Variants in FYB1 observed in about 807,000 individuals in gnomAD.
The protein encoded by FYB1 is FYN-binding protein 1.
In FYB1, 41 loss-of-function variants were observed where a neutral mutation model predicts 94.1. The ratio of observed to expected loss-of-function variants is 0.44; its 90% CI spans 0.34 to 0.57. The LOEUF (loss-of-function observed/expected upper bound fraction) is 0.57. FYB1 is among the 20% of genes least tolerant of loss of function. The pLI is 0.02. For synonymous variants in FYB1, 367 were observed against 353.2 expected, an observed-to-expected ratio of 1.04 and a Z score of -0.44; for missense variants, 1,050 against 976.8, an observed-to-expected ratio of 1.07 and a Z score of -1.00.
chr5:39,179,037 A>G (rs1283690979), intron 2 of FYB1, among the ~76,000 whole-genome samples: 2 of 152,238 alleles, frequency 1.3e-5, no homozygotes, highest in African/African-American at 4.8e-5. Context: ...CTAGCTAACA[A>G]GAGTCCTTTT....
At chr5:39,220,947 T>C (rs138891934), upstream of FYB1, among the ~76,000 whole-genome samples, 82 of 152,346 alleles carry the variant, frequency 5.4e-4, no homozygotes, top group Admixed American at 2.5e-3. Flanking sequence ...GATGATGACA[T>C]GGCTGAGACC....
intron 2 of FYB1, chr5:39,170,195 G>A (rs1172917516): frequency 2.5e-6 from 2 of 812,870 alleles, no homozygotes; most frequent in African/African-American, 1.7e-5. Flanking sequence ...CTTCTGTGAA[G>A]TTCAGTATAG....
intron 1 of FYB1, among the ~76,000 whole-genome samples, chr5:39,211,697 G>C (rs1749408877): frequency 6.6e-6 from 1 of 152,080 alleles, no homozygotes; most frequent in Non-Finnish European, 1.5e-5. Flanking sequence ...AAAAATCTTT[G>C]ATGTCTGGGA....
At chr5:39,125,782 A>G (rs923689088) in intron 12 of FYB1, among the ~76,000 whole-genome samples, 3 of 152,150 alleles carry the variant, frequency 2.0e-5, no homozygotes, top group Admixed American at 2.0e-4. Context: ...ATATCTTTGA[A>G]CTATATGATG....
chr5:39,169,114 T>C, intron 2 of FYB1: 1 of 667,126 alleles, frequency 1.5e-6, no homozygotes, highest in Non-Finnish European at 2.7e-6. Flanking sequence ...TAAAATAATC[T>C]TGTGCACATT....
intron 1 of FYB1, among the ~76,000 whole-genome samples, chr5:39,260,634 T>A (rs1752172063): frequency 6.6e-6 from 1 of 152,176 alleles, no homozygotes; most frequent in South Asian, 2.1e-4. Context: ...GAGAAGCCAA[T>A]CAAGTAAGTC....
chr5:39,169,272 C>G (rs1745025353), intron 2 of FYB1: 1 of 1,091,026 alleles, frequency 9.2e-7, no homozygotes. Context: ...AATCATGACC[C>G]AGAGGTGAAG....
intron 16 of FYB1, among the ~76,000 whole-genome samples, chr5:39,111,823 A>C (rs1302463318): frequency 6.6e-6 from 1 of 151,976 alleles, no homozygotes; most frequent in Non-Finnish European, 1.5e-5. Context: ...TCAAGATAAT[A>C]AAAGCACAAT....
intron 1 of FYB1, among the ~76,000 whole-genome samples, chr5:39,246,235 C>T (rs1751473389): frequency 6.6e-6 from 1 of 152,068 alleles, no homozygotes; most frequent in Admixed American, 6.6e-5. Flanking sequence ...AAGAGAGACC[C>T]TAACCTCAGA....
intron 3 of FYB1, among the ~76,000 whole-genome samples, chr5:39,149,790 T>C (rs1365588511): frequency 6.6e-6 from 1 of 152,104 alleles, no homozygotes; most frequent in African/African-American, 2.4e-5. Flanking sequence ...CCGGCGTTAT[T>C]GATTGTTCCT....
At chr5:39,251,712 G>A (rs1751715529) in intron 1 of FYB1, among the ~76,000 whole-genome samples, 1 of 152,062 alleles carries the variant, frequency 6.6e-6, no homozygotes, top group South Asian at 2.1e-4. Context: ...TTATTATAAA[G>A]TTTACTTATT....
chr5:39,156,022 C>T lies in FYB1; in HGVS notation c.1136-2418G>A, dbSNP rs116598636. On this transcript the variant is annotated intron_variant, in intron 2 of 18. Coordinates refer to ENST00000512982, the MANE Select transcript of FYB1 (RefSeq NM_001465.6). The stretch of plus-strand genomic sequence containing the variant: ...CCTCTGTGAGTAGATGTTAATAAAC[C>T]GTCCAAATAGAGAGAAAAATATTTA... Among the ~76,000 whole-genome samples the T allele has an allele frequency of 2.9e-3, 442 of 152,056 alleles. 2 individuals are homozygous for T. Among genetic ancestry groups the T allele is most frequent in the African/African-American group, 0.01 (434 of 41,478 alleles).
intron 9 of FYB1, among the ~76,000 whole-genome samples, chr5:39,131,754 G>A (rs184544129): frequency 6.6e-6 from 1 of 152,242 alleles, no homozygotes; most frequent in East Asian, 1.9e-4. Context: ...GTGAAGAGCT[G>A]CATTCTGCTT....
chr5:39,247,088 AT>A (rs1297569889), intron 1 of FYB1, among the ~76,000 whole-genome samples: 7 of 137,394 alleles, frequency 5.1e-5, no homozygotes, highest in Admixed American at 1.5e-4. Context: ...ATATATATAT[AT>A]ATATATATAT....
At chr5:39,129,400 T>G (rs1740983859) in intron 10 of FYB1, among the ~76,000 whole-genome samples, 1 of 151,798 alleles carries the variant, frequency 6.6e-6, no homozygotes, top group African/African-American at 2.4e-5. Flanking sequence ...TTGGTCTAGG[T>G]AGAGATTTCA....
intron 1 of FYB1, among the ~76,000 whole-genome samples, chr5:39,246,957 C>T (rs1751501368): frequency 1.3e-5 from 2 of 151,358 alleles, no homozygotes; most frequent in Admixed American, 6.6e-5. Flanking sequence ...TTCTTTGTGC[C>T]TCAATTATGT....
chr5:39,129,926 A>G (rs1486709207), intron 10 of FYB1, among the ~76,000 whole-genome samples: 1 of 152,132 alleles, frequency 6.6e-6, no homozygotes, highest in Non-Finnish European at 1.5e-5. Context: ...TGAAGGAAAG[A>G]GAATCAGTAT....
At chr5:39,265,614 G>T (rs575908867) in intron 1 of FYB1, among the ~76,000 whole-genome samples, 3 of 152,128 alleles carry the variant, frequency 2.0e-5, no homozygotes, top group Non-Finnish European at 4.4e-5. Flanking sequence ...CCAAGATCAC[G>T]CCATTGCACT....
At position 39,266,179 on chromosome 5, in the gene FYB1, T is replaced by G. The variant is rs145543672; in HGVS notation, c.-28+8224A>C. ...AGTGAGCTGATCTAAGGATATAGAT[T>G]AAGTCAATTTCCACAGGGGCAGATA... On this transcript the variant is annotated intron_variant, in intron 1 of 1. Coordinates refer to the FYB1 transcript ENST00000510188. 5.4e-3 allele frequency among the ~76,000 whole-genome samples: 825 copies of G among 152,280 alleles called. 7 individuals carry two copies. The highest frequency in any genetic ancestry group is 0.018 in the African/African-American group (748 of 41,542).
Sources: allele counts gnomAD v4.1 joint callset (sites outside exome capture counted in the v4.1 genomes callset), GRCh38; gene constraint gnomAD v4.1.1; transcripts MANE v1.5; gene names NCBI Gene and HGNC (gene_info 2026-07-23, HGNC 2026-07-21).